ADGRB3: variants seen among roughly 807,000 people sequenced by gnomAD.
The protein encoded by ADGRB3 is brain-specific angiogenesis inhibitor 3.
A neutral mutation model predicts 193.4 loss-of-function variants in ADGRB3; 37 were observed. The observed-to-expected ratio is 0.19, with a 90% CI of 0.15 to 0.25. The LOEUF is 0.25. Among genes scored for constraint, ADGRB3 ranks in the 10% least tolerant of loss-of-function variants. ADGRB3 has a pLI of 1.00. For synonymous variants in ADGRB3, 690 were observed against 644.2 expected, an observed-to-expected ratio of 1.07 and a Z score of -1.08; for missense variants, 1,637 against 1,852.9, an observed-to-expected ratio of 0.88 and a Z score of 2.14.
chr6:69,009,243 A>T (rs892781312), intron 11 of ADGRB3, among the ~76,000 whole-genome samples: 2 of 152,100 alleles, frequency 1.3e-5, no homozygotes, highest in Non-Finnish European at 2.9e-5. Flanking sequence ...TTAAAATCCT[A>T]TATACTTCCA....
intron 30 of ADGRB3, among the ~76,000 whole-genome samples, chr6:69,378,385 G>T (rs1769874460): frequency 6.6e-6 from 1 of 151,990 alleles, no homozygotes; most frequent in South Asian, 2.1e-4. Flanking sequence ...CAAGCAAAGA[G>T]AATTGATGTG....
chr6:69,186,806 A>G (rs922219281), intron 17 of ADGRB3, among the ~76,000 whole-genome samples: 1 of 151,974 alleles, frequency 6.6e-6, no homozygotes, highest in Non-Finnish European at 1.5e-5. Flanking sequence ...ATTTGTGTGT[A>G]TATGTGTGTG....
At chr6:68,732,761 C>G (rs1765797403) in intron 3 of ADGRB3, among the ~76,000 whole-genome samples, 2 of 151,914 alleles carry the variant, frequency 1.3e-5, no homozygotes, top group South Asian at 4.1e-4. Flanking sequence ...TTTCCATATT[C>G]TGTGGTGAGT....
At chr6:69,388,616 TAC>T in intron 31 of ADGRB3, 85 bp from the exon 32 acceptor site, 1 of 1,282,190 alleles carries the variant, frequency 7.8e-7, no homozygotes, top group Non-Finnish European at 1.1e-6. Context: ...GGATTAAGAT[TAC>T]AAACACGCTC....
chr6:68,891,280 C>G (rs9942434), intron 3 of ADGRB3, among the ~76,000 whole-genome samples: 4,240 of 152,100 alleles, frequency 0.028, 202 homozygotes, highest in African/African-American at 0.095. Context: ...ATGGGAGCTA[C>G]GAGATGAGGT....
At chr6:69,191,245 A>C (rs1765180812) in intron 17 of ADGRB3, among the ~76,000 whole-genome samples, 3 of 152,132 alleles carry the variant, frequency 2.0e-5, no homozygotes, top group Non-Finnish European at 4.4e-5. Flanking sequence ...TTTCCATAAC[A>C]GCTTGCTGCT....
In ADGRB3 at chr6:68,890,233, A is replaced by G. The variant is rs147995622; in HGVS notation, c.758-40326A>G. ...TGAGCTAAAGAATTTGAGAATTGAAATCTTGGCAGAGGTTAACTTACAGGT... is the reference window on the plus strand; with the variant it reads ...TGAGCTAAAGAATTTGAGAATTGAAGTCTTGGCAGAGGTTAACTTACAGGT... On this transcript the variant is annotated intron_variant, in intron 3 of 31. Transcript: ENST00000370598. Among the ~76,000 whole-genome samples, 3 of 152,336 alleles carry G rather than the reference A, an allele frequency of 2.0e-5. No homozygotes were observed. The East Asian group carries it at 5.8e-4, about 29-fold the overall frequency.
intron 3 of ADGRB3, among the ~76,000 whole-genome samples, chr6:68,873,474 A>G (rs1407119156): frequency 6.6e-6 from 1 of 152,118 alleles, no homozygotes; most frequent in Non-Finnish European, 1.5e-5. Flanking sequence ...TTAATATAAC[A>G]GATGTGATTT....
At chr6:68,854,523 T>C (rs1382065965) in intron 3 of ADGRB3, among the ~76,000 whole-genome samples, 1 of 151,302 alleles carries the variant, frequency 6.6e-6, no homozygotes, top group Non-Finnish European at 1.5e-5. Context: ...ATATAAATTT[T>C]AAAAATCTAA....
chr6:68,868,646 A>T lies in ADGRB3; in HGVS notation c.758-61913A>T, dbSNP rs573348696. Among the ~76,000 whole-genome samples the T allele has an allele frequency of 2.2e-3, 337 of 152,320 alleles. 3 individuals carry two copies. Among genetic ancestry groups the T allele is most frequent in the African/African-American group, 7.6e-3 (315 of 41,572 alleles). On this transcript the variant is annotated intron_variant, in intron 3 of 31. Coordinates refer to ENST00000370598, the MANE Select transcript of ADGRB3 (RefSeq NM_001704.3). ...AAATACCTATTTTGAAGGGAGCATA[A>T]AATAATGCTATTTATAGATTTTATT...
intron 20 of ADGRB3, among the ~76,000 whole-genome samples, chr6:69,272,858 C>A (rs2127280068): frequency 6.6e-6 from 1 of 152,252 alleles, no homozygotes; most frequent in Admixed American, 6.5e-5. Context: ...TTGAATAATT[C>A]CATAAGTCTG....
chr6:69,170,915 T>C (rs1775255124), intron 17 of ADGRB3, among the ~76,000 whole-genome samples: 1 of 152,196 alleles, frequency 6.6e-6, no homozygotes, highest in Non-Finnish European at 1.5e-5. Flanking sequence ...TGTTATCAAT[T>C]AGTGCTGTCT....
At chr6:69,293,427 T>C (rs562477569) in intron 20 of ADGRB3, among the ~76,000 whole-genome samples, 2 of 151,960 alleles carry the variant, frequency 1.3e-5, no homozygotes, top group African/African-American at 4.8e-5. Context: ...TAGTTCAAAC[T>C]AAGAATTCCC....
At chr6:68,674,889 G>A (rs1769050974) in intron 3 of ADGRB3, among the ~76,000 whole-genome samples, 1 of 152,188 alleles carries the variant, frequency 6.6e-6, no homozygotes, top group African/African-American at 2.4e-5. Flanking sequence ...TGTATTGGGA[G>A]AGCAGAGGAA....
chr6:69,252,189 A>G (rs180745058), intron 20 of ADGRB3, among the ~76,000 whole-genome samples: 113 of 152,246 alleles, frequency 7.4e-4, no homozygotes, highest in Non-Finnish European at 1.2e-3. Context: ...CTTTTGCTCA[A>G]TATATTTTCT....
chr6:68,796,155 G>A lies in ADGRB3; in HGVS notation c.758-134404G>A, dbSNP rs990446687. Among the ~76,000 whole-genome samples, 3 of 152,180 alleles carry A rather than the reference G, an allele frequency of 2.0e-5. No homozygotes were observed. The East Asian group carries it at 5.8e-4, about 29-fold the overall frequency. Reference sequence around the variant, plus strand: ...GTAACAAAGAAATTAGTACATCACAGAAATGTATTGAATTATATGAAAATA... The same window carrying A: ...GTAACAAAGAAATTAGTACATCACAAAAATGTATTGAATTATATGAAAATA... On this transcript the variant is annotated intron_variant, in intron 3 of 31. Coordinates refer to ENST00000370598, the MANE Select transcript of ADGRB3 (RefSeq NM_001704.3).
At chr6:68,888,577 A>ACACAT (rs780228072) in intron 3 of ADGRB3, among the ~76,000 whole-genome samples, 36 of 151,756 alleles carry the variant, frequency 2.4e-4, no homozygotes, top group Admixed American at 1.1e-3. Flanking sequence ...ACACACACAT[A>ACACAT]AAAAAAACTC....
At chr6:69,388,476 T>C (rs938811443) in intron 31 of ADGRB3, among the ~76,000 whole-genome samples, 6 of 152,132 alleles carry the variant, frequency 3.9e-5, no homozygotes, top group African/African-American at 1.4e-4. Flanking sequence ...TTCACTTCCT[T>C]TGATTCCTAG....
intron 17 of ADGRB3, among the ~76,000 whole-genome samples, chr6:69,097,102 A>G (rs900963501): frequency 6.6e-5 from 10 of 152,238 alleles, no homozygotes; most frequent in Non-Finnish European, 1.0e-4. Context: ...TGAGAACTAA[A>G]TACTACAGTC....
Sources: gnomAD v4.1 joint callset for allele counts (sites outside exome capture counted in the v4.1 genomes callset) on GRCh38, gnomAD v4.1.1 for gene constraint, MANE v1.5 for transcripts, NCBI Gene and HGNC (gene_info 2026-07-23, HGNC 2026-07-21) for gene names.